BRCA1: variants seen among roughly 807,000 people sequenced by gnomAD.
BRCA1 encodes BRCA1 DNA repair associated.
A neutral mutation model predicts 173.7 loss-of-function variants in BRCA1; 140 were observed. The observed-to-expected ratio is 0.81, with a 90% CI of 0.70 to 0.93. The LOEUF is 0.93. Ranked by LOEUF, BRCA1 falls within the 40% of genes least tolerant of loss-of-function variation. The probability of loss-of-function intolerance (pLI) is 0.00; values close to 1 mark genes in which losing one functional copy is unlikely to be tolerated. For missense variants in BRCA1, 1,983 were observed against 2,172.5 expected (o/e 0.91, Z 1.73); for synonymous variants, 662 against 756.0 (o/e 0.88, Z 2.04).
At chr17:43,131,273 A>G (rs1481550623) in intron 1 of BRCA1, 15 of 415,974 alleles carry the variant, frequency 3.6e-5, no homozygotes, top group Non-Finnish European at 7.1e-5. Flanking sequence ...ATGAAGAGGT[A>G]AAGTATATTA....
chr17:43,117,611 C>A (rs1266862921), intron 2 of BRCA1, among the ~76,000 whole-genome samples: 2 of 151,984 alleles, frequency 1.3e-5, no homozygotes, highest in Admixed American at 6.6e-5. Flanking sequence ...TGGTGGCATG[C>A]GCCTGTAATC....
At chr17:43,095,493 G>A (rs1322809836) in intron 9 of BRCA1, among the ~76,000 whole-genome samples, 1 of 151,570 alleles carries the variant, frequency 6.6e-6, no homozygotes, top group East Asian at 2.0e-4. Context: ...GAAGTGGGAG[G>A]ATAGCTTGAG....
chr17:43,118,424 T>G (rs1369526513), intron 2 of BRCA1, among the ~76,000 whole-genome samples: 5 of 151,930 alleles, frequency 3.3e-5, no homozygotes, highest in Non-Finnish European at 7.4e-5. Flanking sequence ...TCGCCCAGGC[T>G]GGAGTGCAGT....
chr17:43,108,706 CAAAAAAAAAAA>C (rs35561635), intron 3 of BRCA1, among the ~76,000 whole-genome samples: 1 of 16,088 alleles, frequency 6.2e-5, no homozygotes, highest in Non-Finnish European at 1.2e-4. Flanking sequence ...GACTCTGTCT[CAAAAAAAAAAA>C]AAAAAAAAAA....
chr17:43,163,408 T>C (rs1438940386), intron 1 of BRCA1: 4 of 152,262 alleles, frequency 2.6e-5, no homozygotes, highest in African/African-American at 7.2e-5. Context: ...TTGGTTGTAA[T>C]AGATGTAGTT....
intron 13 of BRCA1, among the ~76,000 whole-genome samples, chr17:43,076,252 C>T (rs1173631174): frequency 6.6e-6 from 1 of 151,910 alleles, no homozygotes; most frequent in Non-Finnish European, 1.5e-5. Flanking sequence ...ATATTTTTTT[C>T]TGACCTTCAG....
chr17:43,079,828 GAA>G, intron 12 of BRCA1: 1 of 694,220 alleles, frequency 1.4e-6, no homozygotes, highest in Non-Finnish European at 2.5e-6. Flanking sequence ...TAAAAAAAAA[GAA>G]AAGTCATTCT....
intron 1 of BRCA1, chr17:43,168,216 G>C: frequency 2.4e-6 from 1 of 424,124 alleles, no homozygotes; most frequent in Admixed American, 2.9e-5. Flanking sequence ...AGGACATTTT[G>C]TACTTCTTCA....
intron 1 of BRCA1, chr17:43,162,090 T>A (rs1210200031): frequency 6.6e-6 from 1 of 152,164 alleles, no homozygotes; most frequent in Admixed American, 6.6e-5. Flanking sequence ...TCAAGGGGAT[T>A]GGTTATTACT....
rs2152445939 is a variant in BRCA1, at chr17:43,045,587, G to A, written c.*91C>T. The A allele has an allele frequency of 6.5e-7, 1 of 1,548,700 alleles. No homozygotes were observed. The highest frequency in any genetic ancestry group is 8.9e-7 in the Non-Finnish European group (1 of 1,126,208). On this transcript the variant is annotated 3_prime_UTR_variant, in exon 23 of 23. Transcript: ENST00000357654. ...TAGTAGCCAGGACAGTAGAAGGACT[G>A]AAGAGTGAGAGGAGCTCCCAGGGCC...
At position 43,143,758 on chromosome 17, in the gene BRCA1, GGCAGT is replaced by G. The variant is rs1391246356; in HGVS notation, c.-19-19648_-19-19644del. Among the ~76,000 whole-genome samples, 3 of 152,184 alleles carry G rather than the reference GGCAGT, an allele frequency of 2.0e-5. No homozygotes were observed. The East Asian group carries it at 5.8e-4, about 29-fold the overall frequency. Reference sequence around the variant, plus strand: ...TCAGCGGGGGATGGGGAGAGGCTAGGGCAGTACACGTGAATGGAGAGGTAGCCCCA... The same window carrying G: ...TCAGCGGGGGATGGGGAGAGGCTAGGACACGTGAATGGAGAGGTAGCCCCA... On this transcript the variant is annotated intron_variant, in intron 1 of 7. Transcript: ENST00000634433.
At chr17:43,153,865 A>G in intron 1 of BRCA1, among the ~76,000 whole-genome samples, 1 of 152,204 alleles carries the variant, frequency 6.6e-6, no homozygotes. Flanking sequence ...ACAGTGTAGT[A>G]GGTACTCACT....
At position 43,058,399 on chromosome 17, in the gene BRCA1, T is replaced by C. The variant is rs8176278; in HGVS notation, c.5194-1264A>G. Among the ~76,000 whole-genome samples, 20,391 of 150,048 alleles carry C rather than the reference T, an allele frequency of 0.14. 4,330 individuals are homozygous for C. The highest frequency in any genetic ancestry group is 0.46 in the African/African-American group (18,671 of 41,012). ...AAAAAAACACACACACACACACACA[T>C]AAAACAAAAAAAAGAAAGAAAGAAA... On this transcript the variant is annotated intron_variant, in intron 18 of 22. Coordinates refer to ENST00000357654, the MANE Select transcript of BRCA1 (RefSeq NM_007294.4).
At chr17:43,143,818 A>C (rs1426184747) in intron 1 of BRCA1, among the ~76,000 whole-genome samples, 1 of 152,150 alleles carries the variant, frequency 6.6e-6, no homozygotes, top group Non-Finnish European at 1.5e-5. Flanking sequence ...ACAGTCCCGC[A>C]GAGGGCAGTC....
At chr17:43,067,473 C>G in intron 16 of BRCA1, 135 bp downstream of exon 16, 1 of 689,142 alleles carries the variant, frequency 1.5e-6, no homozygotes, top group South Asian at 1.5e-5. Flanking sequence ...CCAGGATGGT[C>G]TCGATCTCCT....
chr17:43,159,315 G>A (rs1344267429), intron 1 of BRCA1: 1 of 166,098 alleles, frequency 6.0e-6, no homozygotes, highest in East Asian at 1.2e-4. Flanking sequence ...GCCGGGCAGG[G>A]GGCTGACCCC....
chr17:43,091,951 T>C lies in BRCA1; in HGVS notation c.3580A>G (p.Thr1194Ala), dbSNP rs369982706. The C allele has an allele frequency of 3.1e-6, 5 of 1,614,112 alleles. No homozygotes were observed. Among genetic ancestry groups the C allele is most frequent in the Non-Finnish European group, 4.2e-6 (5 of 1,179,996 alleles). Residue 1194 changes from threonine (T) to alanine (A), a missense_variant, in exon 10 of 23, where the codon ACC becomes GCC. Coordinates refer to ENST00000357654, the MANE Select transcript of BRCA1 (RefSeq NM_007294.4). ...TAACCCTGAGCCAAATGTGTATGGG[T>C]GAAAGGGCTAGGACTCCTGCTAAGC... ...GELSRSPSPF[T>A]HTHLAQGYRR...
At chr17:43,104,439 C>A (rs989430529) in intron 5 of BRCA1, among the ~76,000 whole-genome samples, 178 bp from the exon 6 acceptor site, 1 of 151,978 alleles carries the variant, frequency 6.6e-6, no homozygotes, top group Non-Finnish European at 1.5e-5. Context: ...AATTTTACTC[C>A]TAGGAAACAA....
intron 12 of BRCA1, among the ~76,000 whole-genome samples, chr17:43,080,311 C>T (rs185186295): frequency 5.8e-4 from 88 of 152,210 alleles, no homozygotes; most frequent in Admixed American, 1.2e-3. Context: ...GGCCAGGCAC[C>T]GTAGCTCCCA....
Sources: gnomAD v4.1 joint callset for allele counts (sites outside exome capture counted in the v4.1 genomes callset) on GRCh38, gnomAD v4.1.1 for gene constraint, MANE v1.5 for transcripts, NCBI Gene and HGNC (gene_info 2026-07-23, HGNC 2026-07-21) for gene names.